The following MARCHF1 variants were observed in gnomAD, a reference collection of about 807,000 sequenced individuals.
The protein encoded by MARCHF1 is E3 ubiquitin-protein ligase MARCHF1.
A neutral mutation model predicts 54.2 loss-of-function variants in MARCHF1; 40 were observed. The observed-to-expected ratio is 0.74, with a 90% CI of 0.57 to 0.96. The LOEUF (loss-of-function observed/expected upper bound fraction) is 0.96, where lower values mean the gene tolerates loss of function less well. Ranked by LOEUF, MARCHF1 falls within the 40% of genes least tolerant of loss-of-function variation. The pLI, the probability that MARCHF1 is intolerant of heterozygous loss-of-function variation, is 0.00. For synonymous variants in MARCHF1, 236 were observed against 236.3 expected, an observed-to-expected ratio of 1.00 and a Z score of 0.01; for missense variants, 586 against 656.5, an observed-to-expected ratio of 0.89 and a Z score of 1.17.
At position 163,971,961 on chromosome 4, in the gene MARCHF1, A is replaced by G. The variant is rs146402940; in HGVS notation, c.-39+16540T>C. Among the ~76,000 whole-genome samples, 234 of 152,344 alleles carry G rather than the reference A, an allele frequency of 1.5e-3. 2 individuals carry two copies. Among genetic ancestry groups the G allele is most frequent in the African/African-American group, 5.2e-3 (216 of 41,584 alleles). On this transcript the variant is annotated intron_variant, in intron 3 of 9. Coordinates refer to ENST00000514618, the MANE Select transcript of MARCHF1 (RefSeq NM_001394959.1). Reference sequence around the variant, plus strand: ...TTGGAACCAACCCAAATGTCCATCAATGATAGACTGGATAAAGAAAACATG... The same window carrying G: ...TTGGAACCAACCCAAATGTCCATCAGTGATAGACTGGATAAAGAAAACATG...
At chr4:164,200,490 T>A (rs1263998517) in intron 1 of MARCHF1, among the ~76,000 whole-genome samples, 5 of 152,196 alleles carry the variant, frequency 3.3e-5, no homozygotes, top group African/African-American at 1.2e-4. Flanking sequence ...AGTTTATTTA[T>A]TTTTCAGGGT....
At chr4:164,049,241 A>G (rs1754304383) in intron 2 of MARCHF1, among the ~76,000 whole-genome samples, 1 of 152,164 alleles carries the variant, frequency 6.6e-6, no homozygotes, top group Middle Eastern at 3.2e-3. Flanking sequence ...GCCACACTTA[A>G]AACCATCAGC....
intron 1 of MARCHF1, among the ~76,000 whole-genome samples, chr4:164,170,345 T>C (rs1730488878): frequency 6.6e-6 from 1 of 152,064 alleles, no homozygotes; most frequent in African/African-American, 2.4e-5. Context: ...TCTTTAGAGT[T>C]TGTGATAAAT....
intron 1 of MARCHF1, among the ~76,000 whole-genome samples, chr4:164,360,940 T>A (rs1561018804): frequency 6.7e-6 from 1 of 148,530 alleles, no homozygotes; most frequent in Non-Finnish European, 1.5e-5. Flanking sequence ...ATGAACCTAC[T>A]GATATGCATG....
At chr4:164,241,293 G>T (rs1732739006) in intron 1 of MARCHF1, among the ~76,000 whole-genome samples, 1 of 152,068 alleles carries the variant, frequency 6.6e-6, no homozygotes, top group Non-Finnish European at 1.5e-5. Flanking sequence ...TCTTGAGGAA[G>T]GGGATTTGAG....
intron 2 of MARCHF1, among the ~76,000 whole-genome samples, chr4:163,991,274 G>C (rs537645853): frequency 3.9e-5 from 6 of 152,074 alleles, no homozygotes; most frequent in Admixed American, 6.6e-5. Context: ...ATTGTATTAG[G>C]TATTGCCACA....
chr4:163,705,345 GA>G (rs890525659), intron 4 of MARCHF1, among the ~76,000 whole-genome samples: 11 of 149,602 alleles, frequency 7.4e-5, no homozygotes, highest in Non-Finnish European at 1.6e-4. Context: ...AAACCAGTAG[GA>G]AAAAAAAAGG....
chr4:163,957,997 C>T lies in MARCHF1; in HGVS notation c.-39+30504G>A, dbSNP rs115512469. On this transcript the variant is annotated intron_variant, in intron 3 of 9. Coordinates refer to ENST00000514618, the MANE Select transcript of MARCHF1 (RefSeq NM_001394959.1). ...TTTTATTCACATTTAGAATAAAAAACAGAGCCTTACAATAAGAGCCCGAAA... is the reference window on the plus strand; with the variant it reads ...TTTTATTCACATTTAGAATAAAAAATAGAGCCTTACAATAAGAGCCCGAAA... Among the ~76,000 whole-genome samples, 532 of 152,090 alleles carry T rather than the reference C, an allele frequency of 3.5e-3. 5 individuals carry two copies. The highest frequency in any genetic ancestry group is 0.012 in the African/African-American group (495 of 41,512).
intron 4 of MARCHF1, among the ~76,000 whole-genome samples, chr4:163,741,895 A>AT (rs1481864051): frequency 1.3e-5 from 2 of 152,208 alleles, no homozygotes; most frequent in African/African-American, 4.8e-5. Flanking sequence ...AATGTTTTCC[A>AT]TTATGATAAT....
At chr4:164,115,029 G>A (rs1755911887) in intron 1 of MARCHF1, among the ~76,000 whole-genome samples, 1 of 151,892 alleles carries the variant, frequency 6.6e-6, no homozygotes, top group Non-Finnish European at 1.5e-5. Flanking sequence ...ATTCAGCAAT[G>A]AGCCACTCTG....
At chr4:164,244,045 C>T (rs1399280819) in intron 1 of MARCHF1, among the ~76,000 whole-genome samples, 1 of 152,040 alleles carries the variant, frequency 6.6e-6, no homozygotes, top group African/African-American at 2.4e-5. Context: ...TTAGACAGAT[C>T]AACGAGACAG....
chr4:164,220,739 T>TATATATG (rs1166213278), intron 1 of MARCHF1, among the ~76,000 whole-genome samples: 10 of 146,506 alleles, frequency 6.8e-5, no homozygotes, highest in Admixed American at 2.8e-4. Context: ...ATATATGTAA[T>TATATATG]ATATATGCTA....
intron 2 of MARCHF1, among the ~76,000 whole-genome samples, chr4:163,996,997 C>T (rs1188262602): frequency 6.6e-6 from 1 of 152,006 alleles, no homozygotes; most frequent in Non-Finnish European, 1.5e-5. Context: ...TTTGTTACAG[C>T]AGTCTTAGGA....
intron 1 of MARCHF1, among the ~76,000 whole-genome samples, chr4:164,198,370 A>C (rs1474945769): frequency 5.3e-5 from 8 of 152,172 alleles, no homozygotes; most frequent in Non-Finnish European, 1.2e-4. Flanking sequence ...AGAGGAATAA[A>C]ATTTGAGTGG....
chr4:163,852,385 G>A (rs756873073), intron 4 of MARCHF1, among the ~76,000 whole-genome samples: 63 of 152,254 alleles, frequency 4.1e-4, no homozygotes, highest in Non-Finnish European at 1.5e-4. Context: ...AAGCACTAAA[G>A]CACAGAAGCA....
chr4:163,833,652 T>A (rs1348011022), intron 4 of MARCHF1, among the ~76,000 whole-genome samples: 1 of 152,088 alleles, frequency 6.6e-6, no homozygotes. Flanking sequence ...GAAATGCAAA[T>A]CAAAACCAAA....
intron 4 of MARCHF1, among the ~76,000 whole-genome samples, chr4:163,843,467 G>GT (rs1749397074): frequency 6.6e-6 from 1 of 152,010 alleles, no homozygotes; most frequent in Non-Finnish European, 1.5e-5. Flanking sequence ...CTAAACTAAT[G>GT]TAAGTTTCCA....
intron 3 of MARCHF1, among the ~76,000 whole-genome samples, chr4:163,864,284 T>C (rs935188060): frequency 6.6e-6 from 1 of 151,856 alleles, no homozygotes; most frequent in African/African-American, 2.4e-5. Flanking sequence ...ACCTGAACGA[T>C]TTCCCTCTTA....
At chr4:164,362,984 G>A (rs1414458903) in intron 1 of MARCHF1, among the ~76,000 whole-genome samples, 1 of 152,090 alleles carries the variant, frequency 6.6e-6, no homozygotes, top group Admixed American at 6.6e-5. Flanking sequence ...AGCTCTTGTT[G>A]CATACATAAT....
Sources: allele counts gnomAD v4.1 joint callset (sites outside exome capture counted in the v4.1 genomes callset), GRCh38; gene constraint gnomAD v4.1.1; transcripts MANE v1.5; gene names NCBI Gene and HGNC (gene_info 2026-07-23, HGNC 2026-07-21).